The following TSGA13 variants were observed in gnomAD, a reference collection of about 807,000 sequenced individuals.
The protein encoded by TSGA13 is testis specific 13.
TSGA13 carries 37 observed loss-of-function variants against 35.1 expected under a neutral mutation model. The ratio of observed to expected loss-of-function variants is 1.05; its 90% confidence interval spans 0.81 to 1.39. TSGA13 has a LOEUF of 1.39. TSGA13 is among the 40% of genes most tolerant of loss of function. The pLI is 0.00. For missense variants in TSGA13, 338 were observed against 328.5 expected, an observed-to-expected ratio of 1.03 and a Z score of -0.22; for synonymous variants, 124 against 121.2, an observed-to-expected ratio of 1.02 and a Z score of -0.15.
At position 130,685,367 on chromosome 7, in the gene TSGA13, G is replaced by A. The variant is rs1796637490; in HGVS notation, c.-150-7C>T. The stretch of plus-strand genomic sequence containing the variant: ...TCATGCCCCATTCTTGAGCCTGTAT[G>A]GGAAACAAGAAAAGACTGATAGGTG... On this transcript the variant is annotated splice_region_variant and splice_polypyrimidine_tract_variant and intron_variant, in intron 1 of 7. Coordinates refer to ENST00000356588, the MANE Select transcript of TSGA13 (RefSeq NM_052933.4). The A allele has an allele frequency of 2.8e-6, 4 of 1,432,540 alleles. No individual in the cohort carries two copies. In the South Asian group the frequency reaches 5.1e-5, roughly 18 times the overall value. 88.7% of individuals were successfully genotyped at this position (1,432,540 alleles called of 1,614,324 possible).
chr7:130,669,288 G>T (rs1796190169), intron 7 of TSGA13, 105 bp from the exon 8 acceptor site: 2 of 1,390,042 alleles, frequency 1.4e-6, no homozygotes, highest in Non-Finnish European at 9.9e-7. Flanking sequence ...ACCAGAGGCT[G>T]GTCTTTAGAG....
chr7:130,668,827 G>T lies in TSGA13; in HGVS notation c.*187C>A, dbSNP rs1796167810. 2.3e-6 allele frequency: 3 copies of T among 1,279,364 alleles called. No individual in the cohort carries two copies. The highest frequency in any genetic ancestry group is 2.8e-4 in the Middle Eastern group (1 of 3,564). The allele number at this position is 1,279,364 out of a possible 1,614,324, so 79.3% of individuals were successfully genotyped here. ...AGGCCCGCCCTCCCCGGCCGCCCTC[G>T]GCCCCCGGGACGCAGCCACGCCCCC... On this transcript the variant is annotated 3_prime_UTR_variant, in exon 8 of 8. Coordinates refer to ENST00000356588, the MANE Select transcript of TSGA13 (RefSeq NM_052933.4).
chr7:130,672,231 A>G (rs1407637969), intron 6 of TSGA13, among the ~76,000 whole-genome samples: 1 of 152,162 alleles, frequency 6.6e-6, no homozygotes, highest in African/African-American at 2.4e-5. Flanking sequence ...CAGAGAAGAC[A>G]AGACAATGAT....
intron 3 of TSGA13, 128 bp from the exon 4 acceptor site, chr7:130,681,145 C>T (rs1796536544): frequency 2.7e-6 from 2 of 732,736 alleles, no homozygotes; most frequent in South Asian, 1.9e-5. Flanking sequence ...TAGAGAAGTA[C>T]AGTTAGAAGT....
At chr7:130,677,157 G>C (rs1475453746) in intron 5 of TSGA13, among the ~76,000 whole-genome samples, 1 of 152,178 alleles carries the variant, frequency 6.6e-6, no homozygotes, top group African/African-American at 2.4e-5. Flanking sequence ...CTCCCAAAGT[G>C]CTGGGATTAC....
rs782633870 is a variant in TSGA13, at chr7:130,669,130, G to T, written c.712C>A (p.Leu238Met). The T allele has an allele frequency of 3.0e-5, 49 of 1,614,126 alleles. No individual in the cohort carries two copies. In the South Asian group the frequency reaches 5.2e-4, roughly 17 times the overall value. ...TCTTCCAAGAGCGATGCGAGTGTCA[G>T]TGGTTCCCGAATCACTTTGGAAATT... ...RPISKVIREPLTLASLLEDMP... is the reference protein window; with the variant it reads ...RPISKVIREPMTLASLLEDMP... Residue 238 changes from leucine (L) to methionine (M), a missense_variant, in exon 8 of 8, where the codon CTG becomes ATG. Leu to Met is a conservative substitution (Grantham distance 15). Transcript: ENST00000356588.
At chr7:130,674,683 A>T (rs1192916906) in intron 5 of TSGA13, among the ~76,000 whole-genome samples, 1 of 152,228 alleles carries the variant, frequency 6.6e-6, no homozygotes, top group Non-Finnish European at 1.5e-5. Flanking sequence ...GGCACATAGT[A>T]GATGTTCAAT....
chr7:130,685,363 G>A lies in TSGA13; in HGVS notation c.-150-3C>T. On this transcript the variant is annotated splice_region_variant and splice_polypyrimidine_tract_variant and intron_variant, in intron 1 of 7. Coordinates refer to ENST00000356588, the MANE Select transcript of TSGA13 (RefSeq NM_052933.4). Reference sequence around the variant, plus strand: ...GTACTCATGCCCCATTCTTGAGCCTGTATGGGAAACAAGAAAAGACTGATA... The same window carrying A: ...GTACTCATGCCCCATTCTTGAGCCTATATGGGAAACAAGAAAAGACTGATA... 1 of 1,440,272 alleles carries A rather than the reference G, an allele frequency of 6.9e-7. No homozygotes were observed. The highest frequency in any genetic ancestry group is 1.4e-5 in the African/African-American group (1 of 71,314). The allele number at this position is 1,440,272 out of a possible 1,614,324, so 89.2% of individuals were successfully genotyped here. A position where few individuals can be genotyped will look rare whatever the true frequency, so the allele number is the denominator to read the frequency against.
intron 1 of TSGA13, among the ~76,000 whole-genome samples, chr7:130,685,627 G>A (rs1796642303): frequency 6.6e-6 from 1 of 152,128 alleles, no homozygotes; most frequent in African/African-American, 2.4e-5. Flanking sequence ...TTCCATGATA[G>A]TGATGAGATT....
intron 3 of TSGA13, among the ~76,000 whole-genome samples, 178 bp from the exon 4 acceptor site, chr7:130,681,195 C>T (rs1796537732): frequency 6.6e-6 from 1 of 152,084 alleles, no homozygotes; most frequent in African/African-American, 2.4e-5. Context: ...AACAAGGGCC[C>T]CAGCAAGGAG....
chr7:130,672,989 AC>A, intron 5 of TSGA13, 113 bp from the exon 6 acceptor site: 4 of 1,241,956 alleles, frequency 3.2e-6, no homozygotes, highest in Non-Finnish European at 4.3e-6. Context: ...ATGCAACAAA[AC>A]CTGTCAGAGG....
Position 130,668,656 on chromosome 7 carries a change from A to G in TSGA13, c.*358T>C. On this transcript the variant is annotated 3_prime_UTR_variant, in exon 8 of 8. Coordinates refer to ENST00000356588, the MANE Select transcript of TSGA13 (RefSeq NM_052933.4). ...CCAGACTCCTCGTCCTTCTTGTCGA[A>G]TTTTTTAATCATCTTGGACGACTTC... The G allele has an allele frequency of 6.5e-7, 1 of 1,544,122 alleles. No homozygotes were observed.
intron 4 of TSGA13, 82 bp from the exon 5 acceptor site, chr7:130,679,449 C>CCACAGAGGCTAAG: frequency 8.2e-7 from 1 of 1,214,984 alleles, no homozygotes; most frequent in Non-Finnish European, 1.2e-6. Context: ...GATACTTAGC[C>CCACAGAGGCTAAG]TCTGTGGGGT....
chr7:130,675,032 C>G (rs1796377807), intron 5 of TSGA13, among the ~76,000 whole-genome samples: 1 of 152,026 alleles, frequency 6.6e-6, no homozygotes, highest in Admixed American at 6.6e-5. Context: ...ATAAGCAAAA[C>G]CCTAGGAGAG....
chr7:130,677,969 C>G (rs1435996490), intron 5 of TSGA13, among the ~76,000 whole-genome samples: 1 of 152,210 alleles, frequency 6.6e-6, no homozygotes, highest in Non-Finnish European at 1.5e-5. Context: ...TCCTTTAAGA[C>G]AGAAACTGTC....
intron 7 of TSGA13, among the ~76,000 whole-genome samples, 180 bp downstream of exon 7, chr7:130,671,481 G>T (rs1796266205): frequency 6.6e-6 from 1 of 151,966 alleles, no homozygotes; most frequent in African/African-American, 2.4e-5. Flanking sequence ...ATTTAAACAG[G>T]GTCCAGAGCT....
Position 130,679,906 on chromosome 7 carries a change from G to T in TSGA13, c.175-539C>A, listed in dbSNP as rs145036261. ...CATTCCCCTGGAAATACACTAAGGG[G>T]CTGGCGCAATGTGATGGAAAGGTTT... is the stretch of plus-strand genomic sequence containing the variant. On this transcript the variant is annotated intron_variant, in intron 4 of 7. Coordinates refer to ENST00000356588, the MANE Select transcript of TSGA13 (RefSeq NM_052933.4). Among the ~76,000 whole-genome samples, 31 of 152,280 alleles carry T rather than the reference G, an allele frequency of 2.0e-4. 1 individual carries two copies. The East Asian group carries it at 5.6e-3, about 28-fold the overall frequency.
chr7:130,678,485 A>G (rs1258736596), intron 5 of TSGA13, among the ~76,000 whole-genome samples: 1 of 152,074 alleles, frequency 6.6e-6, no homozygotes, highest in Non-Finnish European at 1.5e-5. Flanking sequence ...CCATTTAGAT[A>G]TTCATCCCTG....
chr7:130,671,148 C>T (rs1026245900), intron 7 of TSGA13, among the ~76,000 whole-genome samples: 3 of 152,162 alleles, frequency 2.0e-5, no homozygotes, highest in African/African-American at 7.2e-5. Flanking sequence ...GACACACAGA[C>T]TTATCCTTTG....
Sources: allele counts gnomAD v4.1 joint callset (sites outside exome capture counted in the v4.1 genomes callset), GRCh38; gene constraint gnomAD v4.1.1; transcripts MANE v1.5; gene names NCBI Gene and HGNC (gene_info 2026-07-23, HGNC 2026-07-21).